Variants in SYNGR1 observed in about 807,000 individuals in gnomAD.
SYNGR1 encodes the protein synaptogyrin-1.
A neutral mutation model predicts 26.1 loss-of-function variants in SYNGR1; 14 were observed. The ratio of observed to expected loss-of-function variants is 0.54; its 90% CI spans 0.35 to 0.84. The LOEUF is 0.84. Ranked by LOEUF, SYNGR1 falls within the 40% of genes least tolerant of loss-of-function variation. The probability of loss-of-function intolerance (pLI) is 0.01; values close to 1 mark genes in which losing one functional copy is unlikely to be tolerated. For missense variants in SYNGR1, 319 were observed against 332.9 expected, an observed-to-expected ratio of 0.96 and a Z score of 0.33; for synonymous variants, 141 against 150.1, an observed-to-expected ratio of 0.94 and a Z score of 0.44.
At position 39,382,618 on chromosome 22, in the gene SYNGR1, C is replaced by T. The variant is rs952059131; in HGVS notation, c.*704C>T. ...TCCCCACGCTTGGGGCTTCCCTGCT[C>T]AGTGTTACTGTCATTCTGGGAGGCC... On this transcript the variant is annotated 3_prime_UTR_variant, in exon 4 of 4. Transcript: ENST00000328933. The T allele has an allele frequency of 2.6e-5, 4 of 154,792 alleles. No homozygotes were observed. The highest frequency in any genetic ancestry group is 9.6e-5 in the African/African-American group (4 of 41,454). 9.6% of individuals were successfully genotyped at this position (154,792 alleles called of 1,614,324 possible). A position where few individuals can be genotyped will look rare whatever the true frequency, so the allele number is the denominator to read the frequency against.
rs1192529360 is a variant in SYNGR1 at position 39,383,750 on chromosome 22, C to T, written c.*1836C>T. On this transcript the variant is annotated 3_prime_UTR_variant, in exon 4 of 4. Transcript: ENST00000328933. ...GGTCCCTGCTTCGATGGCCCCAAAG[C>T]TGGGCCAGAGTTAAGGGAAAGAGGA... 1 of 152,342 alleles carries T rather than the reference C, an allele frequency of 6.6e-6. No individual in the cohort carries two copies. The highest frequency in any genetic ancestry group is 1.5e-5 in the Non-Finnish European group (1 of 68,098). 9.4% of individuals were successfully genotyped at this position (152,342 alleles called of 1,614,324 possible). A position where few individuals can be genotyped will look rare whatever the true frequency, so the allele number is the denominator to read the frequency against.
chr22:39,384,839 T>C lies in SYNGR1; in HGVS notation c.*2925T>C. On this transcript the variant is annotated 3_prime_UTR_variant, in exon 4 of 4. Coordinates refer to ENST00000328933, the MANE Select transcript of SYNGR1 (RefSeq NM_004711.5). Reference sequence around the variant, plus strand: ...CGCTTAGAGTCGGCAGAGTCTGGGGTAGGGAGACAGCGACTTGTCCAAGGT... The same window carrying C: ...CGCTTAGAGTCGGCAGAGTCTGGGGCAGGGAGACAGCGACTTGTCCAAGGT... 2.5e-6 allele frequency: 1 copy of C among 398,736 alleles called. No individual in the cohort carries two copies. Among genetic ancestry groups the C allele is most frequent in the Non-Finnish European group, 4.4e-6 (1 of 226,072 alleles). The allele number at this position is 398,736 out of a possible 1,614,324, so 24.7% of individuals were successfully genotyped here.
In SYNGR1 at chr22:39,374,930, C is replaced by T. The variant is rs185665542; in HGVS notation, c.337+377C>T. On this transcript the variant is annotated intron_variant, in intron 2 of 3. Coordinates refer to ENST00000328933, the MANE Select transcript of SYNGR1 (RefSeq NM_004711.5). Reference sequence around the variant, plus strand: ...ACTAAGCAAGGCGGTGACTGGGTGCCCAGTGCACAGCAGGGGCCCTGGAGC... The same window carrying T: ...ACTAAGCAAGGCGGTGACTGGGTGCTCAGTGCACAGCAGGGGCCCTGGAGC... The T allele has an allele frequency of 2.6e-5, 9 of 343,828 alleles. No homozygotes were observed. In the East Asian group the frequency reaches 6.1e-4, roughly 23 times the overall value. The allele number at this position is 343,828 out of a possible 1,614,324, so 21.3% of individuals were successfully genotyped here.
At chr22:39,375,833 C>G (rs144551554) in intron 2 of SYNGR1, 52 of 663,488 alleles carry the variant, frequency 7.8e-5, no homozygotes, top group Admixed American at 1.6e-4. Context: ...GTGGCCTCCT[C>G]CCCCCTGCAT....
intron 2 of SYNGR1, 129 bp from the exon 3 acceptor site, chr22:39,375,922 TG>T: frequency 7.9e-7 from 1 of 1,262,182 alleles, no homozygotes; most frequent in Non-Finnish European, 1.2e-6. Flanking sequence ...CCTGTCCCTT[TG>T]GGGGTGGGGG....
rs777416803 is a variant in SYNGR1 at position 39,365,988 on chromosome 22, C to CTTTTTTTTTTTTTTTTTTTTTTTTT, written c.100-8325_100-8301dup. 2.9e-5 allele frequency among the ~76,000 whole-genome samples: 2 copies of CTTTTTTTTTTTTTTTTTTTTTTTTT among 68,382 alleles called. 1 individual carries two copies. Among genetic ancestry groups the CTTTTTTTTTTTTTTTTTTTTTTTTT allele is most frequent in the East Asian group, 2.0e-3 (2 of 1,016 alleles). 44.9% of individuals were successfully genotyped at this position (68,382 alleles called of 152,430 possible). ...CGTGAGCCACCGCGCTCAGCCCCTTCTTTTTTTTTTTTTTTTTTTTTTTTT... is the reference window on the plus strand; with the variant it reads ...CGTGAGCCACCGCGCTCAGCCCCTTCTTTTTTTTTTTTTTTTTTTTTTTTTTTTTTTTTTTTTTTTTTTTTTTTTT... On this transcript the variant is annotated intron_variant, in intron 1 of 3. Coordinates refer to ENST00000328933, the MANE Select transcript of SYNGR1 (RefSeq NM_004711.5).
chr22:39,362,668 T>C (rs1683894662), intron 1 of SYNGR1, among the ~76,000 whole-genome samples: 1 of 152,118 alleles, frequency 6.6e-6, no homozygotes, highest in African/African-American at 2.4e-5. Flanking sequence ...GCAGGATGGA[T>C]GCCTGCACCA....
At chr22:39,369,186 C>CT (rs1924906674) in intron 1 of SYNGR1, among the ~76,000 whole-genome samples, 1 of 152,286 alleles carries the variant, frequency 6.6e-6, no homozygotes, top group South Asian at 2.1e-4. Flanking sequence ...CCCAACCTGA[C>CT]AGTTTTCTGG....
chr22:39,381,352 TA>T (rs963688105), intron 3 of SYNGR1, among the ~76,000 whole-genome samples: 2 of 152,222 alleles, frequency 1.3e-5, no homozygotes, highest in Non-Finnish European at 2.9e-5. Context: ...AAGCTTTTTT[TA>T]AGAAGGCTGT....
At chr22:39,381,650 C>A in intron 3 of SYNGR1, 46 bp from the exon 4 acceptor site, 1 of 1,605,248 alleles carries the variant, frequency 6.2e-7, no homozygotes, top group East Asian at 2.2e-5. Context: ...TCTCCCCTAA[C>A]CACCCCCTCC....
At chr22:39,367,493 GC>G (rs764800218) in intron 1 of SYNGR1, among the ~76,000 whole-genome samples, 7 of 152,182 alleles carry the variant, frequency 4.6e-5, no homozygotes, top group Non-Finnish European at 8.8e-5. Flanking sequence ...GGTGGGCGGG[GC>G]CAGCACATGA....
chr22:39,359,013 G>A (rs1437606929), intron 1 of SYNGR1, among the ~76,000 whole-genome samples: 1 of 152,236 alleles, frequency 6.6e-6, no homozygotes, highest in African/African-American at 2.4e-5. Flanking sequence ...ACAAGTTGGG[G>A]CTCCTCCAGT....
Position 39,381,966 on chromosome 22 carries a change from A to C in SYNGR1, c.*52A>C. 1 of 1,535,836 alleles carries C rather than the reference A, an allele frequency of 6.5e-7. No individual in the cohort carries two copies. The highest frequency in any genetic ancestry group is 8.8e-7 in the Non-Finnish European group (1 of 1,138,448). ...CTCCCCATCTGTCCCCTCTCTCCAC[A>C]CCCAGCCCCTGCTCCTGCCCAGGCT... On this transcript the variant is annotated 3_prime_UTR_variant, in exon 4 of 4. Transcript: ENST00000328933.
chr22:39,384,012 G>C lies in SYNGR1; in HGVS notation c.*2098G>C, dbSNP rs62228451. 6.6e-6 allele frequency: 1 copy of C among 152,510 alleles called. No homozygotes were observed. The highest frequency in any genetic ancestry group is 1.5e-5 in the Non-Finnish European group (1 of 68,204). 9.4% of individuals were successfully genotyped at this position (152,510 alleles called of 1,614,324 possible). A position where few individuals can be genotyped will look rare whatever the true frequency, so the allele number is the denominator to read the frequency against. ...TCTGTCCACAGTCCCCCGCCGCCAG[G>C]TGGCCCACATGGGACCAGCATGGGG... On this transcript the variant is annotated 3_prime_UTR_variant, in exon 4 of 4. Coordinates refer to ENST00000328933, the MANE Select transcript of SYNGR1 (RefSeq NM_004711.5).
Position 39,385,374 on chromosome 22 carries a change from T to TGTGTGTGTGTGC in SYNGR1, c.*3470_*3481dup. 1 of 153,134 alleles carries TGTGTGTGTGTGC rather than the reference T, an allele frequency of 6.5e-6. No individual in the cohort carries two copies. The highest frequency in any genetic ancestry group is 2.4e-5 in the African/African-American group (1 of 41,416). 9.5% of individuals were successfully genotyped at this position (153,134 alleles called of 1,614,324 possible). On this transcript the variant is annotated 3_prime_UTR_variant, in exon 4 of 4. Coordinates refer to ENST00000328933, the MANE Select transcript of SYNGR1 (RefSeq NM_004711.5). ...ATATAAGGCTCCACAAATATATCTG[T>TGTGTGTGTGTGC]GTGTGTGTGTGCGTGTGTGTGCGGT...
intron 1 of SYNGR1, among the ~76,000 whole-genome samples, chr22:39,351,044 G>A (rs1046359541): frequency 2.6e-5 from 4 of 152,184 alleles, no homozygotes; most frequent in African/African-American, 9.7e-5. Flanking sequence ...ACAGAGGGAG[G>A]GGTTCAGGTG....
Position 39,376,160 on chromosome 22 carries a change from C to A in SYNGR1, c.446C>A (p.Ala149Asp). Residue 149 changes from alanine to aspartate, a missense_variant, in exon 3 of 4, where the codon GCC becomes GAC. Coordinates refer to ENST00000328933, the MANE Select transcript of SYNGR1 (RefSeq NM_004711.5). ...AACGAAGGGACGGACGCAGCCCGGGCCGCCATCGCCTTCTCCTTTTTCTCC... is the reference window on the plus strand; with the variant it reads ...AACGAAGGGACGGACGCAGCCCGGGACGCCATCGCCTTCTCCTTTTTCTCC... ...PLNEGTDAAR[A>D]AIAFSFFSIF... 6.2e-7 allele frequency: 1 copy of A among 1,614,216 alleles called. No homozygotes were observed.
chr22:39,375,827 C>T (rs1925252612), intron 2 of SYNGR1: 4 of 652,468 alleles, frequency 6.1e-6, no homozygotes, highest in African/African-American at 3.6e-5. Context: ...CTGTCTGTGG[C>T]CTCCTCCCCC....
At chr22:39,352,885 G>A (rs1315578355) in intron 1 of SYNGR1, among the ~76,000 whole-genome samples, 2 of 152,032 alleles carry the variant, frequency 1.3e-5, no homozygotes, top group Non-Finnish European at 2.9e-5. Context: ...TTTTTGAGAT[G>A]GAGTCTTGCT....
Sources: gnomAD v4.1 joint callset for allele counts (sites outside exome capture counted in the v4.1 genomes callset) on GRCh38, gnomAD v4.1.1 for gene constraint, MANE v1.5 for transcripts, NCBI Gene and HGNC (gene_info 2026-07-23, HGNC 2026-07-21) for gene names.